The following RALYL variants were observed in gnomAD, a reference collection of about 807,000 sequenced individuals.
The protein encoded by RALYL is RNA-binding Raly-like protein.
Under a neutral mutation model 35.1 loss-of-function variants are expected in RALYL, and 29 were observed. The ratio of observed to expected loss-of-function variants is 0.83; its 90% confidence interval spans 0.61 to 1.13. The LOEUF (loss-of-function observed/expected upper bound fraction) is 1.13. Among genes scored for constraint, RALYL ranks in the 50% most tolerant of loss-of-function variants. The probability of loss-of-function intolerance (pLI) is 0.00; values close to 1 mark genes in which losing one functional copy is unlikely to be tolerated. For missense variants in RALYL, 359 were observed against 360.4 expected (o/e 1.00, Z 0.03); for synonymous variants, 120 against 127.6 (o/e 0.94, Z 0.40).
chr8:84,437,323 C>G (rs1027748854), intron 1 of RALYL, among the ~76,000 whole-genome samples: 14 of 152,230 alleles, frequency 9.2e-5, no homozygotes, highest in African/African-American at 3.4e-4. Context: ...GATGAACACA[C>G]AAGTGCATGT....
chr8:84,295,341 G>A (rs1839560541), intron 1 of RALYL, among the ~76,000 whole-genome samples: 1 of 152,154 alleles, frequency 6.6e-6, no homozygotes. Flanking sequence ...AGTTCCTATA[G>A]TGAACAATCA....
intron 1 of RALYL, among the ~76,000 whole-genome samples, chr8:84,351,613 A>G (rs1168532368): frequency 1.4e-5 from 2 of 147,748 alleles, no homozygotes; most frequent in Non-Finnish European, 3.0e-5. Context: ...ATAGTCTCCC[A>G]TATTGTTAAT....
At chr8:84,446,703 G>A (rs770134137) in intron 1 of RALYL, among the ~76,000 whole-genome samples, 19 of 152,146 alleles carry the variant, frequency 1.2e-4, no homozygotes, top group South Asian at 4.1e-4. Context: ...GACTTTGGTC[G>A]TGGCAGGCTG....
rs560145313 is a variant in RALYL at position 84,243,016 on chromosome 8, A to G, written c.-24+58592A>G. Among the ~76,000 whole-genome samples, 16 of 152,246 alleles carry G rather than the reference A, an allele frequency of 1.1e-4. No individual in the cohort carries two copies. The East Asian group carries it at 3.1e-3, about 29-fold the overall frequency. On this transcript the variant is annotated intron_variant, in intron 1 of 8. Transcript: ENST00000521268. The stretch of plus-strand genomic sequence containing the variant: ...TAATCCATCTTGAGTTAACTTTTAT[A>G]TAAGGTGTAAGGAAGGGGTCCGGTT...
At chr8:84,841,580 A>T (rs1313157048) in intron 4 of RALYL, among the ~76,000 whole-genome samples, 1 of 152,194 alleles carries the variant, frequency 6.6e-6, no homozygotes, top group Non-Finnish European at 1.5e-5. Context: ...GTTAACAAGG[A>T]TATCCAGGAC....
chr8:84,475,885 C>G (rs2053345823), intron 1 of RALYL, among the ~76,000 whole-genome samples: 1 of 152,068 alleles, frequency 6.6e-6, no homozygotes, highest in African/African-American at 2.4e-5. Context: ...ACTATTTCAT[C>G]AAAGGAATTA....
rs574071085 is a variant in RALYL, at chr8:84,495,946, A to AT, written c.-23-33346dup. ...GACCACTTAACTACTCACTGGCCATATTTTTTTAATAAGTTGTACTTCTCT... is the reference window on the plus strand; with the variant it reads ...GACCACTTAACTACTCACTGGCCATATTTTTTTTAATAAGTTGTACTTCTCT... On this transcript the variant is annotated intron_variant, in intron 1 of 8. Coordinates refer to ENST00000521268, the MANE Select transcript of RALYL (RefSeq NM_173848.7). Among the ~76,000 whole-genome samples, 517 of 152,098 alleles carry AT rather than the reference A, an allele frequency of 3.4e-3. 4 individuals carry two copies. The highest frequency in any genetic ancestry group is 0.012 in the African/African-American group (501 of 41,528).
chr8:84,900,675 GTCTTAAAAAAAAAAAAATTC>G (rs1845531542), intron 8 of RALYL, among the ~76,000 whole-genome samples: 1 of 150,602 alleles, frequency 6.6e-6, no homozygotes, highest in South Asian at 2.1e-4. Context: ...GCGAAAGTTT[GTCTTAAAAAAAAAAAAATTC>G]TCCCTATCAA....
At chr8:84,698,430 T>C (rs1219446633) in intron 2 of RALYL, among the ~76,000 whole-genome samples, 1 of 152,120 alleles carries the variant, frequency 6.6e-6, no homozygotes, top group Non-Finnish European at 1.5e-5. Context: ...GTCCCAATGA[T>C]AATAACATAT....
chr8:84,280,814 T>C (rs796203714), intron 1 of RALYL, among the ~76,000 whole-genome samples: 8 of 151,716 alleles, frequency 5.3e-5, no homozygotes, highest in African/African-American at 1.9e-4. Context: ...GGTTAAACTC[T>C]TCCCACCCAT....
chr8:84,311,937 G>C (rs894757437), intron 1 of RALYL, among the ~76,000 whole-genome samples: 1 of 152,150 alleles, frequency 6.6e-6, no homozygotes, highest in Admixed American at 6.5e-5. Flanking sequence ...TGTTGGAACA[G>C]TCTTGTGTTT....
At chr8:84,429,110 T>TGA (rs2046865627) in intron 1 of RALYL, among the ~76,000 whole-genome samples, 1 of 151,856 alleles carries the variant, frequency 6.6e-6, no homozygotes, top group Admixed American at 6.6e-5. Flanking sequence ...AAATGCTGAG[T>TGA]GAGAGGTACT....
At chr8:84,257,545 C>A (rs572992410) in intron 1 of RALYL, among the ~76,000 whole-genome samples, 1 of 152,214 alleles carries the variant, frequency 6.6e-6, no homozygotes, top group East Asian at 1.9e-4. Flanking sequence ...GCAGGAAAAC[C>A]TTTTGGTGTT....
At chr8:84,739,525 C>A (rs1453378931) in intron 2 of RALYL, among the ~76,000 whole-genome samples, 1 of 151,558 alleles carries the variant, frequency 6.6e-6, no homozygotes, top group Non-Finnish European at 1.5e-5. Flanking sequence ...AATTGTTGAG[C>A]AGGAAAGAGT....
chr8:84,595,515 T>G (rs1002326722), intron 2 of RALYL, among the ~76,000 whole-genome samples: 2 of 152,164 alleles, frequency 1.3e-5, no homozygotes, highest in African/African-American at 4.8e-5. Context: ...GCAGCAGCAC[T>G]TAAAGCCATG....
chr8:84,762,892 T>C (rs1323545831), intron 2 of RALYL, among the ~76,000 whole-genome samples: 2 of 152,174 alleles, frequency 1.3e-5, no homozygotes, highest in Non-Finnish European at 2.9e-5. Flanking sequence ...TAGAAAAGCA[T>C]TTTTCAAATG....
intron 2 of RALYL, among the ~76,000 whole-genome samples, chr8:84,720,741 T>G (rs1025660349): frequency 2.0e-5 from 3 of 151,850 alleles, no homozygotes; most frequent in African/African-American, 7.3e-5. Flanking sequence ...AACTATACAT[T>G]TAATAAGGGG....
At chr8:84,332,121 C>T (rs1409356847) in intron 1 of RALYL, among the ~76,000 whole-genome samples, 1 of 152,140 alleles carries the variant, frequency 6.6e-6, no homozygotes, top group Non-Finnish European at 1.5e-5. Context: ...CTGCAGGCAA[C>T]GTGGCTCCCT....
At chr8:84,891,103 T>A (rs964208722) in intron 8 of RALYL, among the ~76,000 whole-genome samples, 2 of 151,236 alleles carry the variant, frequency 1.3e-5, no homozygotes, top group Non-Finnish European at 2.9e-5. Context: ...TGGGAGGGAG[T>A]GATAGAAGTG....
Sources: allele counts gnomAD v4.1 joint callset (sites outside exome capture counted in the v4.1 genomes callset), GRCh38; gene constraint gnomAD v4.1.1; transcripts MANE v1.5; gene names NCBI Gene and HGNC (gene_info 2026-07-23, HGNC 2026-07-21).